The following COG3 variants were observed in gnomAD, a reference collection of about 807,000 sequenced individuals.
The protein encoded by COG3 is component of oligomeric golgi complex 3, also known as conserved oligomeric Golgi complex subunit 3.
A neutral mutation model predicts 114.1 loss-of-function variants in COG3; 32 were observed. The observed-to-expected ratio is 0.28, with a 90% confidence interval of 0.21 to 0.38. COG3 has a LOEUF of 0.38. Ranked by LOEUF, COG3 falls within the 10% of genes least tolerant of loss-of-function variation. The probability of loss-of-function intolerance (pLI) is 1.00; values close to 1 mark genes in which losing one functional copy is unlikely to be tolerated. For missense variants in COG3, 813 were observed against 973.2 expected (o/e 0.84, Z 2.19); for synonymous variants, 352 against 365.7 (o/e 0.96, Z 0.43).
chr13:45,479,081 T>G lies in COG3; in HGVS notation c.383+15T>G. ...ACTAAATATAGGTATGTGTGTCTCT[T>G]GCATTTGTTGAATATCTTAATTTTT... On this transcript the variant is annotated intron_variant, in intron 3 of 22. Transcript: ENST00000349995. 6.4e-7 allele frequency: 1 copy of G among 1,565,220 alleles called. No homozygotes were observed. Among genetic ancestry groups the G allele is most frequent in the South Asian group, 1.2e-5 (1 of 86,362 alleles).
At chr13:45,508,068 TAAAAAAAAAAA>T (rs10571583) in intron 14 of COG3, among the ~76,000 whole-genome samples, 14 of 32,268 alleles carry the variant, frequency 4.3e-4, no homozygotes, top group South Asian at 2.7e-3. Flanking sequence ...AGGTCCAACC[TAAAAAAAAAAA>T]AAAAAAAAAA....
At chr13:45,475,116 A>T (rs1026058742) in intron 1 of COG3, among the ~76,000 whole-genome samples, 2 of 152,222 alleles carry the variant, frequency 1.3e-5, no homozygotes, top group African/African-American at 4.8e-5. Context: ...AAAATTTGTC[A>T]GCAGGAAGGT....
chr13:45,531,202 G>A, intron 22 of COG3: 1 of 307,698 alleles, frequency 3.2e-6, no homozygotes, highest in Non-Finnish European at 4.8e-6. Flanking sequence ...CTTCAGTGGT[G>A]ATTTGCAAGA....
chr13:45,511,928 A>C, intron 16 of COG3, 74 bp downstream of exon 16: 1 of 1,137,462 alleles, frequency 8.8e-7, no homozygotes, highest in South Asian at 1.3e-5. Flanking sequence ...TTATAGGCAC[A>C]GAAGTTTAAA....
intron 1 of COG3, among the ~76,000 whole-genome samples, chr13:45,473,354 T>C (rs1448416283): frequency 6.6e-6 from 1 of 152,152 alleles, no homozygotes; most frequent in Non-Finnish European, 1.5e-5. Flanking sequence ...CTTTTTGTTA[T>C]TGTGAGGGTA....
At chr13:45,513,446 AT>A (rs1158096201) in intron 16 of COG3, among the ~76,000 whole-genome samples, 1 of 92,804 alleles carries the variant, frequency 1.1e-5, no homozygotes, top group Non-Finnish European at 1.9e-5. Context: ...ATACATATAA[AT>A]TATATATATA....
rs1310278721 is a variant in COG3 at position 45,465,108 on chromosome 13, C to T, written c.72C>T (p.Leu24=). 1.2e-6 allele frequency: 2 copies of T among 1,612,658 alleles called. No individual in the cohort carries two copies. The highest frequency in any genetic ancestry group is 2.7e-5 in the African/African-American group (2 of 74,926). The change falls in exon 1 of 23, where the codon CTC becomes CTT. Residue 24 remains leucine (L), a synonymous_variant. Coordinates refer to ENST00000349995, the MANE Select transcript of COG3 (RefSeq NM_031431.4). ...AERDAREKLA[L]WDRRPDTTAP... Reference sequence around the variant, plus strand: ...GGGACGCTAGGGAAAAGCTGGCTCTCTGGGATCGGAGACCGGACACGACGG... The same window carrying T: ...GGGACGCTAGGGAAAAGCTGGCTCTTTGGGATCGGAGACCGGACACGACGG...
chr13:45,522,061 A>C (rs1872217006), intron 19 of COG3, among the ~76,000 whole-genome samples: 1 of 152,036 alleles, frequency 6.6e-6, no homozygotes, highest in Non-Finnish European at 1.5e-5. Flanking sequence ...CTCCTCGGCC[A>C]CCCAAAGTGC....
At chr13:45,468,996 G>A (rs550437466) in intron 1 of COG3, among the ~76,000 whole-genome samples, 10 of 152,170 alleles carry the variant, frequency 6.6e-5, no homozygotes, top group African/African-American at 1.4e-4. Context: ...GCATTTTCTC[G>A]TATGTTATTA....
chr13:45,508,068 TAAAAAAAAAAAAAAAAAAAA>T (rs10571583), intron 14 of COG3, among the ~76,000 whole-genome samples: 1 of 32,270 alleles, frequency 3.1e-5, no homozygotes, highest in Admixed American at 6.3e-4. Context: ...AGGTCCAACC[TAAAAAAAAAAAAAAAAAAAA>T]AAAAAAAAAA....
rs1293030656 is a variant in COG3, at chr13:45,483,366, T to G, written c.843+11T>G. Reference sequence around the variant, plus strand: ...CAGTTACTGAAAAGGGTGAGTTAACTGATCTCAACAACAGGTTTTTGTTAT... The same window carrying G: ...CAGTTACTGAAAAGGGTGAGTTAACGGATCTCAACAACAGGTTTTTGTTAT... On this transcript the variant is annotated intron_variant, in intron 7 of 22. Transcript: ENST00000349995. 1 of 1,554,950 alleles carries G rather than the reference T, an allele frequency of 6.4e-7. No homozygotes were observed. The highest frequency in any genetic ancestry group is 8.7e-7 in the Non-Finnish European group (1 of 1,152,510).
At chr13:45,483,126 A>G in intron 6 of COG3, 104 bp from the exon 7 acceptor site, 1 of 711,360 alleles carries the variant, frequency 1.4e-6, no homozygotes, top group Non-Finnish European at 2.2e-6. Context: ...CCTGTTTTTG[A>G]ACTTTATATA....
At chr13:45,500,899 G>A (rs1274603673) in intron 13 of COG3, among the ~76,000 whole-genome samples, 1 of 152,196 alleles carries the variant, frequency 6.6e-6, no homozygotes, top group African/African-American at 2.4e-5. Flanking sequence ...GGTTTATAGT[G>A]TTGTCATGAG....
chr13:45,502,212 C>G (rs955529966), intron 13 of COG3, among the ~76,000 whole-genome samples: 4 of 152,096 alleles, frequency 2.6e-5, no homozygotes, highest in Non-Finnish European at 4.4e-5. Context: ...GAATGGTGCT[C>G]CCTCCTTTTC....
At chr13:45,514,076 T>A (rs1337038732) in intron 16 of COG3, among the ~76,000 whole-genome samples, 1 of 151,742 alleles carries the variant, frequency 6.6e-6, no homozygotes, top group Admixed American at 6.6e-5. Flanking sequence ...CCTGTGTTTC[T>A]CAGATCTCAG....
Position 45,496,420 on chromosome 13 carries a change from T to A in COG3, c.1488+108T>A, listed in dbSNP as rs1280772683. 2.5e-5 allele frequency: 22 copies of A among 888,866 alleles called. No individual in the cohort carries two copies. The Admixed American group carries it at 6.5e-4, about 26-fold the overall frequency. The allele number at this position is 888,866 out of a possible 1,614,324, so 55.1% of individuals were successfully genotyped here. On this transcript the variant is annotated intron_variant, in intron 13 of 22. Transcript: ENST00000349995. The stretch of plus-strand genomic sequence containing the variant: ...ATTAAAATAGAGACAGGGTTTCCCC[T>A]TGTTGCCCAGGCTGGTCTCGAACTC...
At chr13:45,505,698 A>G (rs1395640665) in intron 14 of COG3, among the ~76,000 whole-genome samples, 2 of 151,870 alleles carry the variant, frequency 1.3e-5, no homozygotes, top group African/African-American at 2.4e-5. Flanking sequence ...TGCTCAAGCA[A>G]TCCTCCTGTT....
intron 22 of COG3, chr13:45,531,118 C>T: frequency 1.0e-6 from 1 of 969,930 alleles, no homozygotes; most frequent in Non-Finnish European, 1.2e-6. Context: ...AAGAGAAATA[C>T]ATTTTTTAAA....
At chr13:45,523,141 T>C (rs1872339730) in intron 19 of COG3, among the ~76,000 whole-genome samples, 1 of 99,680 alleles carries the variant, frequency 1.0e-5, no homozygotes, top group African/African-American at 3.3e-5. Context: ...GTAGCTAAGC[T>C]TAAAAGTGTT....
Sources: gnomAD v4.1 joint callset for allele counts (sites outside exome capture counted in the v4.1 genomes callset) on GRCh38, gnomAD v4.1.1 for gene constraint, MANE v1.5 for transcripts, NCBI Gene and HGNC (gene_info 2026-07-23, HGNC 2026-07-21) for gene names.